The following PCDHA1 variants were observed in gnomAD, a reference collection of about 807,000 sequenced individuals.
PCDHA1 encodes the protein protocadherin alpha-1.
In PCDHA1, 42 loss-of-function variants were observed where a neutral mutation model predicts 61.3. The observed-to-expected ratio is 0.69, with a 90% CI of 0.54 to 0.89. The LOEUF is 0.89. Among genes scored for constraint, PCDHA1 ranks in the 40% least tolerant of loss-of-function variants. PCDHA1 has a pLI of 0.00. For missense variants in PCDHA1, 1,256 were observed against 1,235.3 expected (o/e 1.02, Z -0.25); for synonymous variants, 610 against 553.8 (o/e 1.10, Z -1.43).
In PCDHA1 at chr5:140,935,762, C is replaced by T. The variant is rs187194530; in HGVS notation, c.2395-43187C>T. Among the ~76,000 whole-genome samples the T allele has an allele frequency of 2.5e-3, 386 of 152,162 alleles. 3 individuals are homozygous for T. The highest frequency in any genetic ancestry group is 0.018 in the South Asian group (87 of 4,822). On this transcript the variant is annotated intron_variant, in intron 1 of 3. Transcript: ENST00000504120. ...TTATTCCATACAATACACATTCTTC[C>T]CCACTTTGAGTTTTTTCACTTAAAA... is the stretch of plus-strand genomic sequence containing the variant.
intron 1 of PCDHA1, among the ~76,000 whole-genome samples, chr5:140,900,319 C>T (rs1032725241): frequency 3.3e-5 from 5 of 152,046 alleles, no homozygotes; most frequent in Non-Finnish European, 7.3e-5. Flanking sequence ...CTTTTGTCGC[C>T]CAGGCTGGAG....
intron 1 of PCDHA1, chr5:140,829,830 T>C (rs1562311801): frequency 1.2e-6 from 2 of 1,613,890 alleles, no homozygotes; most frequent in Non-Finnish European, 8.5e-7. Context: ...GTGAGCGAGC[T>C]GGTGCCGCGG....
At chr5:140,870,711 G>T (rs781786878) in intron 1 of PCDHA1, 1 of 1,613,108 alleles carries the variant, frequency 6.2e-7, no homozygotes, top group Non-Finnish European at 8.5e-7. Flanking sequence ...AGGTGAGCGC[G>T]CGCGATGCGG....
chr5:140,906,296 A>G (rs1378311950), intron 1 of PCDHA1, among the ~76,000 whole-genome samples: 9 of 152,226 alleles, frequency 5.9e-5, no homozygotes, highest in Non-Finnish European at 1.5e-5. Flanking sequence ...GACAATAATA[A>G]GGTCATAATT....
At chr5:140,858,321 C>A in intron 1 of PCDHA1, 1 of 1,596,814 alleles carries the variant, frequency 6.3e-7, no homozygotes, top group Non-Finnish European at 8.6e-7. Flanking sequence ...AGGGTGTGTT[C>A]TGGGGAGGGC....
intron 1 of PCDHA1, among the ~76,000 whole-genome samples, chr5:140,956,484 A>G (rs868955895): frequency 1.3e-5 from 2 of 152,226 alleles, no homozygotes; most frequent in South Asian, 2.1e-4. Flanking sequence ...CCAGTCTTGC[A>G]TCCCAGGGAT....
chr5:140,869,056 GTAC>G, intron 1 of PCDHA1: 2 of 1,549,424 alleles, frequency 1.3e-6, no homozygotes, highest in Non-Finnish European at 1.7e-6. Flanking sequence ...GAAGAATCTG[GTAC>G]TGTAAGTGTA....
chr5:140,926,780 G>A, intron 1 of PCDHA1: 2 of 1,397,714 alleles, frequency 1.4e-6, no homozygotes, highest in Non-Finnish European at 1.9e-6. Context: ...CAGCAGTGAC[G>A]GCCGGCAGGA....
intron 1 of PCDHA1, chr5:140,869,195 T>A (rs1554162619): frequency 6.2e-7 from 1 of 1,613,916 alleles, no homozygotes; most frequent in East Asian, 2.2e-5. Flanking sequence ...AGCGGCCAGC[T>A]CCACTACTCC....
chr5:140,939,311 C>A (rs972598257), intron 1 of PCDHA1, among the ~76,000 whole-genome samples: 1 of 152,130 alleles, frequency 6.6e-6, no homozygotes, highest in African/African-American at 2.4e-5. Flanking sequence ...AAAGCCCTAC[C>A]TCCTAATATC....
intron 1 of PCDHA1, chr5:140,804,762 G>A (rs1554123132): frequency 4.2e-6 from 1 of 240,016 alleles, no homozygotes; most frequent in African/African-American, 2.2e-5. Context: ...CTAGCAATTA[G>A]TTGGACTCCC....
At position 140,787,647 on chromosome 5, in the gene PCDHA1, C is replaced by T. The variant is rs782434207; in HGVS notation, c.1357C>T (p.Pro453Ser). 2.5e-6 allele frequency: 4 copies of T among 1,613,906 alleles called. No homozygotes were observed. Among genetic ancestry groups the T allele is most frequent in the African/African-American group, 2.7e-5 (2 of 74,936 alleles). Reference protein sequence around the residue: ...VEVADVNDNAPAFAQPEYTVF... With the variant: ...VEVADVNDNASAFAQPEYTVF... Reference sequence around the variant, plus strand: ...GGTGGCCGACGTGAATGACAACGCGCCTGCGTTCGCGCAGCCCGAGTACAC... The same window carrying T: ...GGTGGCCGACGTGAATGACAACGCGTCTGCGTTCGCGCAGCCCGAGTACAC... The change falls in exon 1 of 4, where the codon CCT (proline) becomes TCT (serine). Residue 453 changes from proline to serine, a missense_variant. Transcript: ENST00000504120.
At chr5:140,878,787 T>C (rs2057727241) in intron 1 of PCDHA1, among the ~76,000 whole-genome samples, 1 of 152,222 alleles carries the variant, frequency 6.6e-6, no homozygotes, top group Admixed American at 6.5e-5. Flanking sequence ...ATATGTTCAA[T>C]CACTTTTTAA....
chr5:140,948,889 AT>A (rs1263260325), intron 1 of PCDHA1, among the ~76,000 whole-genome samples: 2 of 151,468 alleles, frequency 1.3e-5, no homozygotes, highest in Non-Finnish European at 3.0e-5. Flanking sequence ...TCTCTTTTAG[AT>A]TTTAAGTGGA....
chr5:140,962,329 T>A (rs1341757607), intron 1 of PCDHA1, among the ~76,000 whole-genome samples: 1 of 152,250 alleles, frequency 6.6e-6, no homozygotes, highest in Non-Finnish European at 1.5e-5. Context: ...TTGAGAATAC[T>A]GATAAAGAAG....
rs1762995615 is a variant in PCDHA1, at chr5:140,802,678, T to C, written c.2394+13994T>C. On this transcript the variant is annotated intron_variant, in intron 1 of 3. Transcript: ENST00000504120. ...GAGAACGCCCTGGTGTCCTACTCGCTGGTGGAACGGCGGGTGGGGGAGCGC... is the reference window on the plus strand; with the variant it reads ...GAGAACGCCCTGGTGTCCTACTCGCCGGTGGAACGGCGGGTGGGGGAGCGC... The C allele has an allele frequency of 3.1e-6, 5 of 1,613,268 alleles. No individual in the cohort carries two copies. The East Asian group carries it at 1.1e-4, about 36-fold the overall frequency.
At chr5:140,894,236 T>C (rs1205163436) in intron 1 of PCDHA1, among the ~76,000 whole-genome samples, 7 of 152,250 alleles carry the variant, frequency 4.6e-5, no homozygotes, top group South Asian at 2.1e-4. Context: ...TGAATGACAA[T>C]GTAATTTTCT....
At chr5:140,850,395 A>G in intron 1 of PCDHA1, 3 of 1,597,894 alleles carry the variant, frequency 1.9e-6, no homozygotes, top group Non-Finnish European at 1.7e-6. Context: ...GATCAGCACA[A>G]CGCGTGCCCT....
At chr5:140,822,918 C>T in intron 1 of PCDHA1, 1 of 1,614,272 alleles carries the variant, frequency 6.2e-7, no homozygotes, top group Non-Finnish European at 8.5e-7. Flanking sequence ...CAGGTGCCAA[C>T]GGGCAGGTGA....
Sources: gnomAD v4.1 joint callset for allele counts (sites outside exome capture counted in the v4.1 genomes callset) on GRCh38, gnomAD v4.1.1 for gene constraint, MANE v1.5 for transcripts, NCBI Gene and HGNC (gene_info 2026-07-23, HGNC 2026-07-21) for gene names.